CRYBG1: variants seen among roughly 807,000 people sequenced by gnomAD.
CRYBG1 encodes beta/gamma crystallin domain-containing protein 1.
In CRYBG1, 139 loss-of-function variants were observed where a neutral mutation model predicts 189.2. That is an observed-to-expected ratio of 0.73 (90% CI 0.64 to 0.85). The LOEUF (loss-of-function observed/expected upper bound fraction) is 0.85. CRYBG1 is among the 40% of genes least tolerant of loss of function. The probability of loss-of-function intolerance (pLI) is 0.00; values close to 1 mark genes in which losing one functional copy is unlikely to be tolerated. For synonymous variants in CRYBG1, 1,023 were observed against 1,017.1 expected, an observed-to-expected ratio of 1.01 and a Z score of -0.11; for missense variants, 2,611 against 2,675.8, an observed-to-expected ratio of 0.98 and a Z score of 0.53.
At chr6:106,516,446 C>G (rs1024706296) in intron 3 of CRYBG1, among the ~76,000 whole-genome samples, 2 of 152,140 alleles carry the variant, frequency 1.3e-5, no homozygotes, top group African/African-American at 4.8e-5. Context: ...GTTGGCCAGG[C>G]TGGTCTGGAA....
At chr6:106,503,440 C>T (rs1773053590) in intron 2 of CRYBG1, among the ~76,000 whole-genome samples, 1 of 152,186 alleles carries the variant, frequency 6.6e-6, no homozygotes, top group African/African-American at 2.4e-5. Context: ...GCCATGCCTT[C>T]ATAAAAGTGA....
At chr6:106,475,363 C>G (rs1772314231) in intron 2 of CRYBG1, among the ~76,000 whole-genome samples, 1 of 152,088 alleles carries the variant, frequency 6.6e-6, no homozygotes, top group Non-Finnish European at 1.5e-5. Context: ...AACAGAACAG[C>G]AAATATGAAA....
chr6:106,460,483 G>GT (rs1440007423), intron 2 of CRYBG1, among the ~76,000 whole-genome samples: 3 of 151,816 alleles, frequency 2.0e-5, no homozygotes, highest in Admixed American at 6.6e-5. Flanking sequence ...TTCTTTGTAA[G>GT]TTTTTTGGAA....
chr6:106,538,237 C>T (rs997706081), intron 8 of CRYBG1, among the ~76,000 whole-genome samples: 61 of 152,300 alleles, frequency 4.0e-4, no homozygotes. Context: ...CAGAACCCTT[C>T]CCAGGAACGA....
intron 2 of CRYBG1, among the ~76,000 whole-genome samples, chr6:106,504,121 A>T (rs1036920269): frequency 7.4e-5 from 11 of 148,718 alleles, no homozygotes; most frequent in South Asian, 2.2e-4. Context: ...AGATTTTTTT[A>T]AAAAAAGAAA....
chr6:106,405,189 T>C (rs1770797928), intron 1 of CRYBG1, among the ~76,000 whole-genome samples: 1 of 152,116 alleles, frequency 6.6e-6, no homozygotes, highest in African/African-American at 2.4e-5. Flanking sequence ...ATGCTCAAGC[T>C]TGGTGGGGGT....
intron 1 of CRYBG1, among the ~76,000 whole-genome samples, chr6:106,415,122 G>A (rs572758576): frequency 1.3e-5 from 2 of 152,206 alleles, no homozygotes; most frequent in African/African-American, 2.4e-5. Flanking sequence ...TCATTAATAT[G>A]CAAAGTCAAA....
intron 1 of CRYBG1, among the ~76,000 whole-genome samples, chr6:106,364,028 A>G (rs1771932243): frequency 1.3e-5 from 2 of 152,324 alleles, no homozygotes; most frequent in Admixed American, 6.5e-5. Flanking sequence ...TTTTCCTAGA[A>G]AAGTTTACCA....
chr6:106,361,163 C>G, intron 1 of CRYBG1, 82 bp downstream of exon 1: 1 of 1,427,996 alleles, frequency 7.0e-7, no homozygotes, highest in South Asian at 1.4e-5. Context: ...GACTCCTGAC[C>G]CCACTTGGAG....
At chr6:106,380,809 C>T (rs1459595571) in intron 1 of CRYBG1, among the ~76,000 whole-genome samples, 1 of 152,108 alleles carries the variant, frequency 6.6e-6, no homozygotes, top group African/African-American at 2.4e-5. Flanking sequence ...CATGTAAGTA[C>T]AATAAGCAGC....
chr6:106,493,245 A>G (rs911193108), intron 2 of CRYBG1, among the ~76,000 whole-genome samples: 1 of 152,228 alleles, frequency 6.6e-6, no homozygotes. Context: ...CATGCATAAG[A>G]AAAGATGCTC....
chr6:106,373,360 T>C, intron 1 of CRYBG1, among the ~76,000 whole-genome samples: 1 of 152,118 alleles, frequency 6.6e-6, no homozygotes, highest in East Asian at 1.9e-4. Flanking sequence ...TCACTGAGTA[T>C]GTAAAGGAAT....
At chr6:106,474,483 T>C (rs1359798752) in intron 2 of CRYBG1, among the ~76,000 whole-genome samples, 1 of 152,266 alleles carries the variant, frequency 6.6e-6, no homozygotes, top group Non-Finnish European at 1.5e-5. Context: ...ATTTTTTAAG[T>C]CATAAAGGTT....
intron 21 of CRYBG1, among the ~76,000 whole-genome samples, chr6:106,566,824 T>C (rs772837073): frequency 1.3e-5 from 2 of 152,208 alleles, no homozygotes; most frequent in Non-Finnish European, 2.9e-5. Context: ...CTACAACTAC[T>C]GAACCATTTG....
chr6:106,517,447 T>TACACATATATAC (rs1562099251), intron 3 of CRYBG1, among the ~76,000 whole-genome samples: 1 of 147,188 alleles, frequency 6.8e-6, no homozygotes, highest in African/African-American at 2.6e-5. Context: ...CACATATATA[T>TACACATATATAC]ACACACATAT....
rs558701608 is a variant in CRYBG1 at position 106,519,303 on chromosome 6, C to T, written c.2095C>T (p.Arg699Ter). The T allele has an allele frequency of 6.8e-6, 11 of 1,614,088 alleles. No individual in the cohort carries two copies. Among genetic ancestry groups the T allele is most frequent in the South Asian group, 3.3e-5 (3 of 91,076 alleles). Residue 699 changes from arginine (R) to a stop codon, truncating the protein, a stop_gained, in exon 4 of 22, where the codon CGA (arginine) becomes TGA (stop). Transcript: ENST00000633556. LOFTEE classifies it high-confidence loss of function. ...TNSSPRHTDI[R>*]GQRNTPASSK... ...CAGTAGCCCAAGACACACTGACATT[C>T]GAGGCCAAAGGAATACTCCTGCCTC...
chr6:106,512,956 G>T lies in CRYBG1; in HGVS notation c.1839G>T (p.Ala613=), dbSNP rs778279190. The change falls in exon 3 of 22, where the codon GCG becomes GCT. Residue 613 remains alanine (A), a synonymous_variant. Transcript: ENST00000633556. ...RSRELGRAAG[A]PGASDADGLK... ...GAGAGCTGGGCAGAGCGGCCGGAGC[G>T]CCTGGAGCTTCTGACGCCGACGGCT... is the stretch of plus-strand genomic sequence containing the variant. 1.9e-6 allele frequency: 3 copies of T among 1,610,924 alleles called. No individual in the cohort carries two copies. The highest frequency in any genetic ancestry group is 1.3e-5 in the African/African-American group (1 of 75,020).
At chr6:106,432,744 G>A (rs1007775124) in intron 1 of CRYBG1, among the ~76,000 whole-genome samples, 1 of 151,916 alleles carries the variant, frequency 6.6e-6, no homozygotes, top group African/African-American at 2.4e-5. Context: ...GGCCTTTGAG[G>A]CCCCTCCATT....
At chr6:106,527,071 T>A (rs1358363785) in intron 6 of CRYBG1, among the ~76,000 whole-genome samples, 1 of 151,480 alleles carries the variant, frequency 6.6e-6, no homozygotes, top group Non-Finnish European at 1.5e-5. Flanking sequence ...ATAGCATTCA[T>A]ATAGGTAACT....
Sources: gnomAD v4.1 joint callset for allele counts (sites outside exome capture counted in the v4.1 genomes callset) on GRCh38, gnomAD v4.1.1 for gene constraint, MANE v1.5 for transcripts, NCBI Gene and HGNC (gene_info 2026-07-23, HGNC 2026-07-21) for gene names.